TMEM108: variants seen among roughly 807,000 people sequenced by gnomAD.
TMEM108 encodes the protein cancer/testis antigen 124.
A neutral mutation model predicts 35.1 loss-of-function variants in TMEM108; 12 were observed. The ratio of observed to expected loss-of-function variants is 0.34; its 90% confidence interval spans 0.22 to 0.55. The LOEUF (loss-of-function observed/expected upper bound fraction) is 0.55. TMEM108 is among the 20% of genes least tolerant of loss of function. The pLI is 0.89. For missense variants in TMEM108, 680 were observed against 753.3 expected, an observed-to-expected ratio of 0.90 and a Z score of 1.14; for synonymous variants, 287 against 308.6, an observed-to-expected ratio of 0.93 and a Z score of 0.73.
intron 2 of TMEM108, among the ~76,000 whole-genome samples, chr3:133,179,452 T>C (rs1360816907): frequency 5.3e-5 from 8 of 152,032 alleles, no homozygotes; most frequent in Non-Finnish European, 1.0e-4. Context: ...GTGGCACATA[T>C]ACACCATGGA....
intron 3 of TMEM108, among the ~76,000 whole-genome samples, chr3:133,256,437 T>C (rs1946547258): frequency 6.6e-6 from 1 of 152,178 alleles, no homozygotes. Flanking sequence ...CAAGCAAACA[T>C]TTTCTGTATG....
intron 2 of TMEM108, among the ~76,000 whole-genome samples, chr3:133,213,010 A>G (rs1945856531): frequency 1.3e-5 from 2 of 152,182 alleles, no homozygotes; most frequent in Admixed American, 6.5e-5. Flanking sequence ...TAAAAATGCC[A>G]TTATAACCCA....
chr3:133,205,123 C>A (rs1945732443), intron 2 of TMEM108, among the ~76,000 whole-genome samples: 1 of 119,650 alleles, frequency 8.4e-6, no homozygotes, highest in Non-Finnish European at 1.7e-5. Flanking sequence ...AGGATTGCAA[C>A]CCCTGCTGCT....
chr3:133,326,432 C>A (rs1039421692), intron 3 of TMEM108, among the ~76,000 whole-genome samples: 2 of 152,178 alleles, frequency 1.3e-5, no homozygotes, highest in African/African-American at 4.8e-5. Flanking sequence ...TTATAACAAC[C>A]TTCACCGGGA....
intron 3 of TMEM108, among the ~76,000 whole-genome samples, chr3:133,263,482 C>G (rs890252667): frequency 7.2e-5 from 11 of 152,178 alleles, no homozygotes; most frequent in African/African-American, 2.7e-4. Context: ...TTCCCCAAAT[C>G]TGTGAACACT....
At position 133,216,603 on chromosome 3, in the gene TMEM108, T is replaced by C. The variant is rs745524940; in HGVS notation, c.-46-12663T>C. Among the ~76,000 whole-genome samples the C allele has an allele frequency of 3.5e-4, 53 of 152,116 alleles. 1 individual carries two copies. Among genetic ancestry groups the C allele is most frequent in the Non-Finnish European group, 7.2e-4 (49 of 67,990 alleles). ...CAAATAACGTCTCCCCAACTCCCTC[T>C]CCCCAAGCCCTTGGTAACCACCGTT... On this transcript the variant is annotated intron_variant, in intron 2 of 5. Transcript: ENST00000321871.
chr3:133,259,048 G>A (rs909452110), intron 3 of TMEM108, among the ~76,000 whole-genome samples: 1 of 152,122 alleles, frequency 6.6e-6, no homozygotes, highest in Non-Finnish European at 1.5e-5. Flanking sequence ...TTTAAATATA[G>A]GGTAGCAAGT....
rs550073239 is a variant in TMEM108 at position 133,256,909 on chromosome 3, G to A, written c.40+27558G>A. On this transcript the variant is annotated intron_variant, in intron 3 of 5. Transcript: ENST00000321871. ...TTAATGCAAAAGCCAGAAAATGATA[G>A]TATGAGAAAGTAAAATTACTGAGTC... 15 of 152,296 alleles carry A rather than the reference G, an allele frequency of 9.8e-5. No individual in the cohort carries two copies. In the East Asian group the frequency reaches 2.9e-3, roughly 29 times the overall value. 9.4% of individuals were successfully genotyped at this position (152,296 alleles called of 1,614,324 possible).
chr3:133,151,405 A>G (rs975875717), intron 2 of TMEM108, among the ~76,000 whole-genome samples: 22 of 152,186 alleles, frequency 1.4e-4, no homozygotes, highest in Admixed American at 9.8e-4. Context: ...TACTGAGAAG[A>G]CTTTCCGAAG....
chr3:133,392,384 A>G (rs1050269953), intron 5 of TMEM108, among the ~76,000 whole-genome samples: 1 of 151,470 alleles, frequency 6.6e-6, no homozygotes, highest in African/African-American at 2.4e-5. Context: ...GCTGGTCTCG[A>G]CCTCCTCACC....
chr3:133,134,301 A>G (rs1258223989), intron 2 of TMEM108, among the ~76,000 whole-genome samples: 2 of 152,046 alleles, frequency 1.3e-5, no homozygotes, highest in African/African-American at 4.8e-5. Flanking sequence ...AATATTCTAT[A>G]TATGTTCTAT....
At chr3:133,348,833 A>G (rs1432995293) in intron 3 of TMEM108, among the ~76,000 whole-genome samples, 1 of 152,204 alleles carries the variant, frequency 6.6e-6, no homozygotes, top group Non-Finnish European at 1.5e-5. Flanking sequence ...AGTGTAGAAG[A>G]TGAAATTATA....
chr3:133,316,842 T>C (rs1443621563), intron 3 of TMEM108, among the ~76,000 whole-genome samples: 2 of 152,000 alleles, frequency 1.3e-5, no homozygotes, highest in Non-Finnish European at 2.9e-5. Context: ...TGATGCAAAA[T>C]TGAAAGGCCA....
intron 5 of TMEM108, among the ~76,000 whole-genome samples, chr3:133,395,196 T>C (rs924865682): frequency 2.0e-5 from 3 of 152,184 alleles, no homozygotes; most frequent in Admixed American, 2.0e-4. Flanking sequence ...AGACTGAAAT[T>C]TTCATCTGTC....
chr3:133,182,186 C>G (rs923496388), intron 2 of TMEM108, among the ~76,000 whole-genome samples: 2 of 152,134 alleles, frequency 1.3e-5, no homozygotes, highest in Admixed American at 1.3e-4. Flanking sequence ...GAAGCAGAGT[C>G]CTTTCTTCCC....
At chr3:133,259,415 C>A (rs1946592765) in intron 3 of TMEM108, among the ~76,000 whole-genome samples, 1 of 152,196 alleles carries the variant, frequency 6.6e-6, no homozygotes, top group Admixed American at 6.5e-5. Flanking sequence ...CTCCTTGGCT[C>A]AGATGTGGAG....
chr3:133,141,070 A>G (rs369136716), intron 2 of TMEM108, among the ~76,000 whole-genome samples: 1 of 152,194 alleles, frequency 6.6e-6, no homozygotes, highest in East Asian at 1.9e-4. Context: ...TCTTTTGTGA[A>G]TCTAAATTAT....
chr3:133,356,912 A>C (rs543219201), intron 3 of TMEM108, among the ~76,000 whole-genome samples: 2 of 152,198 alleles, frequency 1.3e-5, no homozygotes, highest in African/African-American at 4.8e-5. Flanking sequence ...GCCTAGGCAA[A>C]GAATTTATGA....
chr3:133,227,655 G>C (rs1431121620), intron 2 of TMEM108, among the ~76,000 whole-genome samples: 1 of 151,758 alleles, frequency 6.6e-6, no homozygotes, highest in Non-Finnish European at 1.5e-5. Flanking sequence ...CCAGCACTTT[G>C]GGAGGCTGAG....
Sources: allele counts gnomAD v4.1 joint callset (sites outside exome capture counted in the v4.1 genomes callset), GRCh38; gene constraint gnomAD v4.1.1; transcripts MANE v1.5; gene names NCBI Gene and HGNC (gene_info 2026-07-23, HGNC 2026-07-21).